TUBGCP4: variants seen among roughly 807,000 people sequenced by gnomAD.
The protein encoded by TUBGCP4 is gamma-tubulin complex component 4.
A neutral mutation model predicts 91.6 loss-of-function variants in TUBGCP4; 54 were observed. The ratio of observed to expected loss-of-function variants is 0.59; its 90% CI spans 0.47 to 0.74. The LOEUF (loss-of-function observed/expected upper bound fraction) is 0.74. Ranked by LOEUF, TUBGCP4 falls within the 30% of genes least tolerant of loss-of-function variation. The pLI is 0.00. For missense variants in TUBGCP4, 593 were observed against 800.9 expected (o/e 0.74, Z 3.13); for synonymous variants, 297 against 302.8 (o/e 0.98, Z 0.20).
intron 16 of TUBGCP4, 32 bp downstream of exon 16, chr15:43,403,831 G>A (rs781674446): frequency 1.6e-5 from 25 of 1,536,248 alleles, no homozygotes; most frequent in Admixed American, 3.3e-5. Context: ...CAGCCTTGCC[G>A]AAAGGACAGA....
At chr15:43,399,998 AGG>A (rs759851681) in intron 13 of TUBGCP4, 44 bp from the exon 14 acceptor site, 3 of 1,526,374 alleles carry the variant, frequency 2.0e-6, no homozygotes, top group Non-Finnish European at 2.7e-6. Context: ...GGGGAAGTGC[AGG>A]GGATGAAATT....
intron 9 of TUBGCP4, among the ~76,000 whole-genome samples, chr15:43,391,924 G>C (rs2044474265): frequency 1.3e-5 from 2 of 151,948 alleles, no homozygotes; most frequent in South Asian, 4.2e-4. Flanking sequence ...GTGCAGTGGT[G>C]CGTGCCTATA....
chr15:43,386,725 CAAAAAAAAAAAAA>C (rs10718458), intron 9 of TUBGCP4, among the ~76,000 whole-genome samples: 13 of 67,024 alleles, frequency 1.9e-4, no homozygotes, highest in South Asian at 6.2e-4. Context: ...ACTCTGTCTC[CAAAAAAAAAAAAA>C]AAAAAAAAAA....
chr15:43,398,056 G>T lies in TUBGCP4; in HGVS notation c.1295G>T (p.Arg432Ile). The change falls in exon 13 of 18, where the codon AGA (arginine) becomes ATA (isoleucine). Residue 432 changes from arginine (R) to isoleucine (I), a missense_variant. By Grantham distance (97) the Arg-to-Ile change is moderately conservative (BLOSUM62 -3). Coordinates refer to ENST00000564079, the MANE Select transcript of TUBGCP4 (RefSeq NM_014444.5). ...GKEHKDATQA[R>I]EGPSRETSPR... is the part of the protein sequence containing the mutation. ...ATCACAGCAGATGCTACTCAGGCAA[G>T]AGAAGGGCCTTCTCGGGAAACTTCT... is the stretch of plus-strand genomic sequence containing the variant. 1 of 1,613,772 alleles carries T rather than the reference G, an allele frequency of 6.2e-7. No homozygotes were observed. Among genetic ancestry groups the T allele is most frequent in the Admixed American group, 1.7e-5 (1 of 59,976 alleles).
chr15:43,394,754 C>T (rs1392957693), intron 9 of TUBGCP4: 2 of 295,928 alleles, frequency 6.8e-6, no homozygotes, highest in Middle Eastern at 1.1e-3. Context: ...TGCAGCACCT[C>T]CCCCTTGCTC....
chr15:43,378,339 T>A (rs535021079), intron 5 of TUBGCP4, among the ~76,000 whole-genome samples: 92 of 152,364 alleles, frequency 6.0e-4, no homozygotes, highest in African/African-American at 2.1e-3. Context: ...ATATGCCTAT[T>A]CTTATCACAA....
chr15:43,379,524 C>T (rs2044256240), intron 5 of TUBGCP4, among the ~76,000 whole-genome samples: 1 of 151,720 alleles, frequency 6.6e-6, no homozygotes, highest in Non-Finnish European at 1.5e-5. Flanking sequence ...GTGCCTGTGT[C>T]GCACTACTCG....
Position 43,408,983 on chromosome 15 carries a change from A to C in TUBGCP4, c.*3769A>C. Reference sequence around the variant, plus strand: ...TCTGGAGCTGGTTGGCATGGCAACTATCATGGACCCAGACATGAGACACAC... The same window carrying C: ...TCTGGAGCTGGTTGGCATGGCAACTCTCATGGACCCAGACATGAGACACAC... On this transcript the variant is annotated 3_prime_UTR_variant, in exon 18 of 18. Transcript: ENST00000564079. The C allele has an allele frequency of 6.2e-7, 1 of 1,614,208 alleles. No homozygotes were observed. Among genetic ancestry groups the C allele is most frequent in the Non-Finnish European group, 8.5e-7 (1 of 1,180,026 alleles).
chr15:43,377,316 GC>G (rs2044220234), intron 4 of TUBGCP4, among the ~76,000 whole-genome samples: 1 of 152,124 alleles, frequency 6.6e-6, no homozygotes, highest in Admixed American at 6.5e-5. Context: ...AAGTATGCCA[GC>G]CTCAGAAATA....
Position 43,386,253 on chromosome 15 carries a change from C to T in TUBGCP4, c.937C>T (p.Arg313Cys), listed in dbSNP as rs1345902565. The T allele has an allele frequency of 1.9e-6, 3 of 1,602,572 alleles. No individual in the cohort carries two copies. Among genetic ancestry groups the T allele is most frequent in the Admixed American group, 3.4e-5 (2 of 58,928 alleles). The change falls in exon 9 of 18, where the codon CGT becomes TGT. Residue 313 changes from arginine to cysteine, a missense_variant. By Grantham distance (180) the Arg-to-Cys change is radical. Coordinates refer to ENST00000564079, the MANE Select transcript of TUBGCP4 (RefSeq NM_014444.5). Reference protein sequence around the residue: ...QEDTFAAELHRLKQQPLFSLV... With the variant: ...QEDTFAAELHCLKQQPLFSLV... ...AGACACTTTTGCTGCAGAGCTGCACCGTCTCAAGCAGCAGCCACTCTTCAG... is the reference window on the plus strand; with the variant it reads ...AGACACTTTTGCTGCAGAGCTGCACTGTCTCAAGCAGCAGCCACTCTTCAG...
intron 3 of TUBGCP4, 125 bp downstream of exon 3, chr15:43,376,750 T>A: frequency 7.4e-7 from 1 of 1,355,798 alleles, no homozygotes; most frequent in Non-Finnish European, 1.0e-6. Context: ...GGCTGGAAGG[T>A]ACAGTGTTCT....
At position 43,406,900 on chromosome 15, in the gene TUBGCP4, C is replaced by G. The variant is rs577478015; in HGVS notation, c.*1686C>G. On this transcript the variant is annotated 3_prime_UTR_variant, in exon 18 of 18. Transcript: ENST00000564079. Reference sequence around the variant, plus strand: ...CCACAGGTGAGCTGTGATCTCAGCTCAGAGAGAGAGCATGAGGTCTTTTTT... The same window carrying G: ...CCACAGGTGAGCTGTGATCTCAGCTGAGAGAGAGAGCATGAGGTCTTTTTT... 2.7e-5 allele frequency: 7 copies of G among 259,208 alleles called. No homozygotes were observed. Among genetic ancestry groups the G allele is most frequent in the Admixed American group, 4.9e-5 (1 of 20,458 alleles). The allele number at this position is 259,208 out of a possible 1,614,324, so 16.1% of individuals were successfully genotyped here.
chr15:43,385,203 A>G (rs1157506221), intron 7 of TUBGCP4, among the ~76,000 whole-genome samples: 1 of 152,148 alleles, frequency 6.6e-6, no homozygotes, highest in Non-Finnish European at 1.5e-5. Context: ...TACATATGGA[A>G]TCATCAGCAT....
In TUBGCP4 at chr15:43,405,758, G is replaced by A. The variant is rs2044848640; in HGVS notation, c.*544G>A. The A allele has an allele frequency of 6.5e-6, 1 of 152,708 alleles. No homozygotes were observed. Among genetic ancestry groups the A allele is most frequent in the Non-Finnish European group, 1.5e-5 (1 of 68,568 alleles). The allele number at this position is 152,708 out of a possible 1,614,324, so 9.5% of individuals were successfully genotyped here. On this transcript the variant is annotated 3_prime_UTR_variant, in exon 18 of 18. Transcript: ENST00000564079. ...AAAATATACTTAAAAGTATTTCTTA[G>A]GCCGGGCATGGTGGCTCACACCTGT...
Position 43,407,869 on chromosome 15 carries a change from G to T in TUBGCP4, c.*2655G>T. Reference sequence around the variant, plus strand: ...GTCAACCTATTAGGCCTGAGCCTTGGACCACAAGGCCTAACACCTACAGGT... The same window carrying T: ...GTCAACCTATTAGGCCTGAGCCTTGTACCACAAGGCCTAACACCTACAGGT... On this transcript the variant is annotated 3_prime_UTR_variant, in exon 18 of 18. Transcript: ENST00000564079. 1 of 1,439,164 alleles carries T rather than the reference G, an allele frequency of 6.9e-7. No homozygotes were observed. Among genetic ancestry groups the T allele is most frequent in the Non-Finnish European group, 9.4e-7 (1 of 1,065,714 alleles). 89.1% of individuals were successfully genotyped at this position (1,439,164 alleles called of 1,614,324 possible).
At chr15:43,398,825 A>T (rs975181589) in intron 13 of TUBGCP4, among the ~76,000 whole-genome samples, 4 of 152,200 alleles carry the variant, frequency 2.6e-5, no homozygotes, top group Non-Finnish European at 5.9e-5. Flanking sequence ...GTAACCAGCA[A>T]CATTATACTA....
At position 43,386,340 on chromosome 15, in the gene TUBGCP4, T is replaced by A; in HGVS notation, c.1014+10T>A. On this transcript the variant is annotated intron_variant, in intron 9 of 17. Transcript: ENST00000564079. ...CAGCACTGTGGCTGAGGTTTGTGTTTCATCGTATATATATATATATATATA... is the reference window on the plus strand; with the variant it reads ...CAGCACTGTGGCTGAGGTTTGTGTTACATCGTATATATATATATATATATA... 5.2e-6 allele frequency: 3 copies of A among 580,060 alleles called. No homozygotes were observed. The highest frequency in any genetic ancestry group is 1.8e-5 in the South Asian group (1 of 55,216). The allele number at this position is 580,060 out of a possible 1,614,324, so 35.9% of individuals were successfully genotyped here.
At position 43,401,697 on chromosome 15, in the gene TUBGCP4, T is replaced by G; in HGVS notation, c.1597-19T>G. 6.2e-7 allele frequency: 1 copy of G among 1,612,730 alleles called. No homozygotes were observed. The highest frequency in any genetic ancestry group is 8.5e-7 in the Non-Finnish European group (1 of 1,179,556). ...CTTAGAATATGCAAAGTGCTAAAAT[T>G]TTTTGTAATGTCTATCAGGTAGATG... On this transcript the variant is annotated intron_variant, in intron 14 of 17. Coordinates refer to ENST00000564079, the MANE Select transcript of TUBGCP4 (RefSeq NM_014444.5).
chr15:43,395,544 C>T (rs1214269732), intron 10 of TUBGCP4, 39 bp from the exon 11 acceptor site: 2 of 1,490,178 alleles, frequency 1.3e-6, no homozygotes, highest in Non-Finnish European at 1.9e-6. Flanking sequence ...GAGCTCCTGC[C>T]TTGCTTTACT....
Sources: allele counts gnomAD v4.1 joint callset (sites outside exome capture counted in the v4.1 genomes callset), GRCh38; gene constraint gnomAD v4.1.1; transcripts MANE v1.5; gene names NCBI Gene and HGNC (gene_info 2026-07-23, HGNC 2026-07-21).